The following SERPIND1 variants were observed in gnomAD, a reference collection of about 807,000 sequenced individuals.
SERPIND1 encodes the protein heparin cofactor 2.
A neutral mutation model predicts 35.0 loss-of-function variants in SERPIND1; 34 were observed. That is an observed-to-expected ratio of 0.97 (90% CI 0.74 to 1.29). The LOEUF (loss-of-function observed/expected upper bound fraction) is 1.29, where lower values mean the gene tolerates loss of function less well. SERPIND1 is among the 50% of genes most tolerant of loss of function. The pLI, the probability that SERPIND1 is intolerant of heterozygous loss-of-function variation, is 0.00. For missense variants in SERPIND1, 633 were observed against 637.7 expected (o/e 0.99, Z 0.08); for synonymous variants, 236 against 241.1 (o/e 0.98, Z 0.19).
Position 20,786,076 on chromosome 22 carries a change from G to A in SERPIND1, c.1236G>A (p.Met412Ile), listed in dbSNP as rs1394948209. 1 of 1,614,120 alleles carries A rather than the reference G, an allele frequency of 6.2e-7. No homozygotes were observed. Among genetic ancestry groups the A allele is most frequent in the Non-Finnish European group, 8.5e-7 (1 of 1,180,022 alleles). Reference sequence around the variant, plus strand: ...ATCTAGTGGAGTCCCTGAAGTTGATGGGGATCAGGATGCTGTTTGACAAAA... The same window carrying A: ...ATCTAGTGGAGTCCCTGAAGTTGATAGGGATCAGGATGCTGTTTGACAAAA... ...NYNLVESLKL[M>I]GIRMLFDKNG... The change falls in exon 4 of 5, where the codon ATG (methionine) becomes ATA (isoleucine). Residue 412 changes from methionine to isoleucine, a missense_variant. By Grantham distance (10) the Met-to-Ile change is conservative. Transcript: ENST00000215727.
chr22:20,779,155 T>C, intron 1 of SERPIND1, 142 bp from the exon 2 acceptor site: 1 of 1,535,982 alleles, frequency 6.5e-7, no homozygotes, highest in Non-Finnish European at 8.7e-7. Context: ...TCTCTTAAAG[T>C]CCATGATCCT....
In SERPIND1 at chr22:20,786,874, G is replaced by T. The variant is rs1229244202; in HGVS notation, c.1309-1G>T. ...ATCTGACAACTTTCCTTTCCAAACA[G>T]TTCAAGCACCAAGGCACGATCACAG... is the stretch of plus-strand genomic sequence containing the variant. On this transcript the variant is annotated splice_acceptor_variant, in intron 4 of 4. Coordinates refer to ENST00000215727, the MANE Select transcript of SERPIND1 (RefSeq NM_000185.4). LOFTEE classifies it high-confidence loss of function. 5.6e-6 allele frequency: 9 copies of T among 1,614,046 alleles called. No homozygotes were observed. Among genetic ancestry groups the T allele is most frequent in the Non-Finnish European group, 7.6e-6 (9 of 1,180,034 alleles).
Position 20,787,168 on chromosome 22 carries a change from C to T in SERPIND1, c.*102C>T, listed in dbSNP as rs532582724. 5.2e-4 allele frequency: 556 copies of T among 1,072,636 alleles called. 1 individual carries two copies. Among genetic ancestry groups the T allele is most frequent in the Admixed American group, 1.1e-3 (61 of 55,394 alleles). The allele number at this position is 1,072,636 out of a possible 1,614,324, so 66.4% of individuals were successfully genotyped here. Reference sequence around the variant, plus strand: ...GTTCTGGCATCATTTACGTAGTTTACGCTACCAATCTGAATTCGAGGCCCA... The same window carrying T: ...GTTCTGGCATCATTTACGTAGTTTATGCTACCAATCTGAATTCGAGGCCCA... On this transcript the variant is annotated 3_prime_UTR_variant, in exon 5 of 5. Coordinates refer to ENST00000215727, the MANE Select transcript of SERPIND1 (RefSeq NM_000185.4).
chr22:20,780,844 C>G (rs919664972), intron 2 of SERPIND1, among the ~76,000 whole-genome samples: 1 of 150,340 alleles, frequency 6.7e-6, no homozygotes, highest in Non-Finnish European at 1.5e-5. Flanking sequence ...AGAGCCAAAG[C>G]TGAACCCAGG....
chr22:20,779,553 G>C lies in SERPIND1; in HGVS notation c.241G>C (p.Asp81His), dbSNP rs774122856. 32 of 1,614,064 alleles carry C rather than the reference G, an allele frequency of 2.0e-5. No individual in the cohort carries two copies. Among genetic ancestry groups the C allele is most frequent in the African/African-American group, 2.7e-5 (2 of 74,932 alleles). ...PEGEEDDDYL[D>H]LEKIFSEDDD... ...GGGGGAGGAGGACGACGACTATCTG[G>C]ACCTGGAGAAGATATTCAGTGAAGA... Residue 81 changes from aspartate to histidine, a missense_variant, in exon 2 of 5, where the codon GAC (aspartate) becomes CAC (histidine). Transcript: ENST00000215727.
intron 1 of SERPIND1, among the ~76,000 whole-genome samples, chr22:20,776,939 T>A (rs1181801803): frequency 6.6e-6 from 1 of 152,212 alleles, no homozygotes; most frequent in Non-Finnish European, 1.5e-5. Context: ...CCAGTAACTC[T>A]TACCTGGCCT....
chr22:20,780,503 C>T (rs1390520675), intron 2 of SERPIND1, among the ~76,000 whole-genome samples: 5 of 152,180 alleles, frequency 3.3e-5, no homozygotes, highest in African/African-American at 1.2e-4. Flanking sequence ...CGCGGTGGCT[C>T]ACGCCTGTAA....
At chr22:20,774,202 T>G (rs150718056) in intron 1 of SERPIND1, 57 bp downstream of exon 1, 2 of 152,202 alleles carry the variant, frequency 1.3e-5, no homozygotes, top group Non-Finnish European at 2.9e-5. Context: ...TGTTTACGGA[T>G]AGGCAACTGG....
intron 4 of SERPIND1, 127 bp from the exon 5 acceptor site, chr22:20,786,748 A>C: frequency 2.1e-6 from 2 of 968,098 alleles, no homozygotes; most frequent in Admixed American, 1.9e-5. Context: ...AGTGACTCTG[A>C]CCAGCTGTGA....
At chr22:20,784,339 A>G in intron 3 of SERPIND1, 94 bp downstream of exon 3, 2 of 1,542,284 alleles carry the variant, frequency 1.3e-6, no homozygotes, top group Middle Eastern at 4.3e-4. Flanking sequence ...AAAAGGGAGA[A>G]TTATGTACAA....
chr22:20,779,873 T>C lies in SERPIND1; in HGVS notation c.561T>C (p.Val187=). The C allele has an allele frequency of 6.2e-7, 1 of 1,614,242 alleles. No homozygotes were observed. The highest frequency in any genetic ancestry group is 8.5e-7 in the Non-Finnish European group (1 of 1,180,042). The change falls in exon 2 of 5, where the codon GTT becomes GTC. Residue 187 remains valine (V), a synonymous_variant. Coordinates refer to ENST00000215727, the MANE Select transcript of SERPIND1 (RefSeq NM_000185.4). ...VHSILHFKDF[V]NASSKYEITT... is the part of the protein sequence containing the mutation. Reference sequence around the variant, plus strand: ...CGATTTTGCATTTTAAAGACTTTGTTAATGCCAGCAGCAAGTATGAAATCA... The same window carrying C: ...CGATTTTGCATTTTAAAGACTTTGTCAATGCCAGCAGCAAGTATGAAATCA...
rs1310121084 is a variant in SERPIND1 at position 20,787,057 on chromosome 22, C to A, written c.1491C>A (p.Ser497Arg). 6.2e-7 allele frequency: 1 copy of A among 1,614,128 alleles called. No homozygotes were observed. The highest frequency in any genetic ancestry group is 8.5e-7 in the Non-Finnish European group (1 of 1,179,994). Residue 497 changes from serine to arginine, a missense_variant, in exon 5 of 5, where the codon AGC becomes AGA. Physicochemically the swap from Ser to Arg is moderately radical, Grantham distance 110. Transcript: ENST00000215727. ...LLFMGRVANP[S>R]RS is the part of the protein sequence containing the mutation. ...TCATGGGAAGAGTGGCCAACCCCAG[C>A]AGGTCCTAGAGGTGGAGGTCTAGGT...
At chr22:20,785,948 T>C (rs1219155980) in intron 3 of SERPIND1, 56 bp from the exon 4 acceptor site, 1 of 1,611,626 alleles carries the variant, frequency 6.2e-7, no homozygotes, top group African/African-American at 1.3e-5. Context: ...AAAATCATGA[T>C]TCTTTTGTAA....
At position 20,784,367 on chromosome 22, in the gene SERPIND1, T is replaced by A. The variant is rs1934041201; in HGVS notation, c.1163+122T>A. 5 of 1,314,024 alleles carry A rather than the reference T, an allele frequency of 3.8e-6. No homozygotes were observed. In the South Asian group the frequency reaches 6.3e-5, roughly 17 times the overall value. 81.4% of individuals were successfully genotyped at this position (1,314,024 alleles called of 1,614,324 possible). On this transcript the variant is annotated intron_variant, in intron 3 of 4. Coordinates refer to ENST00000215727, the MANE Select transcript of SERPIND1 (RefSeq NM_000185.4). ...ATGTACAAGTACCCAAGAACTTCCA[T>A]ACAGGGCCACTCTGTTAATTCAGCC...
intron 4 of SERPIND1, among the ~76,000 whole-genome samples, chr22:20,786,588 G>A (rs1934249501): frequency 6.6e-6 from 1 of 152,198 alleles, no homozygotes; most frequent in African/African-American, 2.4e-5. Context: ...GGAGAAGTGC[G>A]CAGCAGTGTG....
In SERPIND1 at chr22:20,779,697, C is replaced by T; in HGVS notation, c.385C>T (p.Leu129Phe). ...GKSRIQRLNILNAKFAFNLYR... is the reference protein window; with the variant it reads ...GKSRIQRLNIFNAKFAFNLYR... ...GAGCCGGATCCAGCGTCTTAACATC[C>T]TCAACGCCAAGTTCGCTTTCAACCT... Residue 129 changes from leucine (L) to phenylalanine (F), a missense_variant, in exon 2 of 5, where the codon CTC (leucine) becomes TTC (phenylalanine). Physicochemically the swap from Leu to Phe is conservative, Grantham distance 22. Transcript: ENST00000215727. 6.2e-7 allele frequency: 1 copy of T among 1,614,252 alleles called. No individual in the cohort carries two copies. The highest frequency in any genetic ancestry group is 8.5e-7 in the Non-Finnish European group (1 of 1,180,042).
At chr22:20,777,029 G>C (rs1933345936) in intron 1 of SERPIND1, among the ~76,000 whole-genome samples, 2 of 135,752 alleles carry the variant, frequency 1.5e-5, no homozygotes, top group South Asian at 4.6e-4. Context: ...CTTAACAAAA[G>C]GCAGTTTTTT....
chr22:20,779,514 G>T lies in SERPIND1; in HGVS notation c.202G>T (p.Asp68Tyr). 2 of 1,613,992 alleles carry T rather than the reference G, an allele frequency of 1.2e-6. No individual in the cohort carries two copies. Among genetic ancestry groups the T allele is most frequent in the South Asian group, 2.2e-5 (2 of 91,072 alleles). ...CCACAAGGAAAACACCGTCACCAAC[G>T]ACTGGATTCCAGAGGGGGAGGAGGA... ...DFHKENTVTN[D>Y]WIPEGEEDDD... The change falls in exon 2 of 5, where the codon GAC becomes TAC. Residue 68 changes from aspartate (D) to tyrosine (Y), a missense_variant. Transcript: ENST00000215727.
At position 20,787,418 on chromosome 22, in the gene SERPIND1, T is replaced by C. The variant is rs1934338141; in HGVS notation, c.*352T>C. 5.5e-6 allele frequency: 2 copies of C among 362,576 alleles called. No individual in the cohort carries two copies. Among genetic ancestry groups the C allele is most frequent in the Non-Finnish European group, 1.1e-5 (2 of 189,154 alleles). 22.5% of individuals were successfully genotyped at this position (362,576 alleles called of 1,614,324 possible). On this transcript the variant is annotated 3_prime_UTR_variant, in exon 5 of 5. Coordinates refer to ENST00000215727, the MANE Select transcript of SERPIND1 (RefSeq NM_000185.4). Reference sequence around the variant, plus strand: ...CACACCTGACTCTGTCACTCAAGCCTTTCTCCACCAGGCCCCTCATCTGAA... The same window carrying C: ...CACACCTGACTCTGTCACTCAAGCCCTTCTCCACCAGGCCCCTCATCTGAA...
Sources: gnomAD v4.1 joint callset for allele counts (sites outside exome capture counted in the v4.1 genomes callset) on GRCh38, gnomAD v4.1.1 for gene constraint, MANE v1.5 for transcripts, NCBI Gene and HGNC (gene_info 2026-07-23, HGNC 2026-07-21) for gene names.